Variants in PCDH9 observed in about 807,000 individuals in gnomAD.
PCDH9 encodes protocadherin 9.
Under a neutral mutation model 70.6 loss-of-function variants are expected in PCDH9, and 24 were observed. The observed-to-expected ratio is 0.34, with a 90% confidence interval of 0.25 to 0.48. PCDH9 has a LOEUF of 0.48. Among genes scored for constraint, PCDH9 ranks in the 20% least tolerant of loss-of-function variants. PCDH9 has a pLI of 0.99. For missense variants in PCDH9, 1,281 were observed against 1,503.6 expected (o/e 0.85, Z 2.45); for synonymous variants, 562 against 558.5 (o/e 1.01, Z -0.09).
intron 2 of PCDH9, among the ~76,000 whole-genome samples, chr13:67,069,420 C>G (rs746680388): frequency 3.3e-5 from 5 of 152,096 alleles, no homozygotes; most frequent in Non-Finnish European, 7.4e-5. Context: ...AAATTCTATT[C>G]ACCTGTACAA....
intron 3 of PCDH9, among the ~76,000 whole-genome samples, chr13:66,665,847 C>T (rs1209459316): frequency 6.6e-6 from 1 of 151,854 alleles, no homozygotes; most frequent in Non-Finnish European, 1.5e-5. Flanking sequence ...TTGAGAGATA[C>T]TAGATTAGGG....
At position 66,622,509 on chromosome 13, in the gene PCDH9, C is replaced by T. The variant is rs959408299; in HGVS notation, c.3340+8701G>A. ...CTCTAGCTCAAGGTTTGTAAACACACCAATCAACACCCTGTGTCTAGCTCA... is the reference window on the plus strand; with the variant it reads ...CTCTAGCTCAAGGTTTGTAAACACATCAATCAACACCCTGTGTCTAGCTCA... On this transcript the variant is annotated intron_variant, in intron 4 of 4. Transcript: ENST00000377865. 1.2e-4 allele frequency among the ~76,000 whole-genome samples: 19 copies of T among 152,114 alleles called. 1 individual carries two copies. The highest frequency in any genetic ancestry group is 1.2e-3 in the Admixed American group (18 of 15,282).
intron 3 of PCDH9, among the ~76,000 whole-genome samples, chr13:66,709,671 A>G (rs2078765827): frequency 6.6e-6 from 1 of 152,226 alleles, no homozygotes; most frequent in South Asian, 2.1e-4. Flanking sequence ...ATAGCCTTTG[A>G]ACAATAATTT....
chr13:66,517,753 G>A (rs1959805516), intron 4 of PCDH9, among the ~76,000 whole-genome samples: 1 of 152,010 alleles, frequency 6.6e-6, no homozygotes, highest in Admixed American at 6.6e-5. Context: ...TTCCTGTCAT[G>A]TACTCCATAC....
At chr13:66,601,998 C>A (rs964889989) in intron 4 of PCDH9, among the ~76,000 whole-genome samples, 1 of 145,534 alleles carries the variant, frequency 6.9e-6, no homozygotes, top group African/African-American at 2.5e-5. Flanking sequence ...GCACATACTC[C>A]TTCTACTTAT....
At chr13:66,311,568 C>T (rs1005721637) in intron 4 of PCDH9, among the ~76,000 whole-genome samples, 1 of 151,966 alleles carries the variant, frequency 6.6e-6, no homozygotes, top group Non-Finnish European at 1.5e-5. Flanking sequence ...ATTTATTGAA[C>T]AGTTGCTATT....
At chr13:66,719,051 G>A (rs1229031999) in intron 3 of PCDH9, among the ~76,000 whole-genome samples, 10 of 152,058 alleles carry the variant, frequency 6.6e-5, no homozygotes, top group Admixed American at 6.6e-4. Flanking sequence ...AGTTAATATG[G>A]GCTAATGTAT....
chr13:66,453,981 T>C, intron 4 of PCDH9, among the ~76,000 whole-genome samples: 1 of 152,046 alleles, frequency 6.6e-6, no homozygotes, highest in South Asian at 2.1e-4. Flanking sequence ...TTTAAATACA[T>C]AATCAGTAAC....
intron 3 of PCDH9, among the ~76,000 whole-genome samples, chr13:66,687,741 TC>T (rs745454021): frequency 1.3e-5 from 2 of 152,124 alleles, no homozygotes; most frequent in Non-Finnish European, 2.9e-5. Context: ...CCCATCCATA[TC>T]TACTGACACC....
At chr13:67,224,788 A>C (rs1029365962) in intron 2 of PCDH9, 1 of 867,372 alleles carries the variant, frequency 1.2e-6, no homozygotes, top group African/African-American at 2.0e-5. Context: ...AAATCTTTCT[A>C]TTAAGTACCG....
intron 4 of PCDH9, among the ~76,000 whole-genome samples, chr13:66,473,881 A>T (rs1383798289): frequency 6.6e-6 from 1 of 152,168 alleles, no homozygotes; most frequent in African/African-American, 2.4e-5. Flanking sequence ...GTATGTTTGC[A>T]TAAGTTTGCC....
chr13:67,070,157 T>G (rs1388119113), intron 2 of PCDH9, among the ~76,000 whole-genome samples: 1 of 151,818 alleles, frequency 6.6e-6, no homozygotes. Flanking sequence ...GTTTTTTTAA[T>G]GCCTACATAT....
At chr13:66,890,946 G>T (rs1360589320) in intron 3 of PCDH9, among the ~76,000 whole-genome samples, 1 of 151,992 alleles carries the variant, frequency 6.6e-6, no homozygotes, top group Non-Finnish European at 1.5e-5. Context: ...GTGCCCCTTT[G>T]TACTTAATGT....
intron 3 of PCDH9, among the ~76,000 whole-genome samples, chr13:66,705,232 T>A (rs1244446437): frequency 6.6e-6 from 1 of 152,172 alleles, no homozygotes; most frequent in African/African-American, 2.4e-5. Flanking sequence ...AAATGGCACA[T>A]GTGCATGCCA....
At chr13:66,885,757 G>A (rs61959212) in intron 3 of PCDH9, among the ~76,000 whole-genome samples, 187 of 152,228 alleles carry the variant, frequency 1.2e-3, no homozygotes, top group South Asian at 3.1e-3. Flanking sequence ...AATAAAACTT[G>A]AAGTAGAATG....
chr13:66,483,892 G>T (rs1377025401), intron 4 of PCDH9, among the ~76,000 whole-genome samples: 1 of 152,098 alleles, frequency 6.6e-6, no homozygotes, highest in African/African-American at 2.4e-5. Context: ...GCTGGACATC[G>T]AGAGAAGCAG....
At chr13:66,980,078 C>CTCTATCTA (rs34374674) in intron 2 of PCDH9, among the ~76,000 whole-genome samples, 4,141 of 147,096 alleles carry the variant, frequency 0.028, 72 homozygotes, top group East Asian at 0.048. Flanking sequence ...AATTATCCAT[C>CTCTATCTA]TCTATCTATC....
chr13:66,768,771 T>C (rs2079758792), intron 3 of PCDH9, among the ~76,000 whole-genome samples: 2 of 152,060 alleles, frequency 1.3e-5, no homozygotes, highest in Non-Finnish European at 2.9e-5. Flanking sequence ...CTAGAGGAGA[T>C]TCAACAGGTG....
chr13:66,650,903 A>G (rs990666210), intron 3 of PCDH9, among the ~76,000 whole-genome samples: 1 of 152,060 alleles, frequency 6.6e-6, no homozygotes, highest in Non-Finnish European at 1.5e-5. Context: ...ATACAAATAC[A>G]TGAAAATTAA....
Sources: allele counts gnomAD v4.1 joint callset (sites outside exome capture counted in the v4.1 genomes callset), GRCh38; gene constraint gnomAD v4.1.1; transcripts MANE v1.5; gene names NCBI Gene and HGNC (gene_info 2026-07-23, HGNC 2026-07-21).